The following SLC37A1 variants were observed in gnomAD, a reference collection of about 807,000 sequenced individuals.
SLC37A1 encodes solute carrier family 37 member 1.
Under a neutral mutation model 75.3 loss-of-function variants are expected in SLC37A1, and 49 were observed. That is an observed-to-expected ratio of 0.65 (90% CI 0.52 to 0.83). The LOEUF is 0.83. Ranked by LOEUF, SLC37A1 falls within the 40% of genes least tolerant of loss-of-function variation. The probability of loss-of-function intolerance (pLI) is 0.00; values close to 1 mark genes in which losing one functional copy is unlikely to be tolerated. For synonymous variants in SLC37A1, 268 were observed against 292.1 expected (o/e 0.92, Z 0.84); for missense variants, 566 against 695.0 (o/e 0.81, Z 2.09).
intron 19 of SLC37A1, 131 bp downstream of exon 19, chr21:42,579,931 C>T: frequency 2.5e-6 from 2 of 792,956 alleles, no homozygotes; most frequent in Non-Finnish European, 4.2e-6. Flanking sequence ...CGGCACGCCA[C>T]CTTCACTCTC....
chr21:42,572,185 G>A (rs745767750), intron 17 of SLC37A1, among the ~76,000 whole-genome samples: 5 of 152,112 alleles, frequency 3.3e-5, no homozygotes, highest in South Asian at 4.1e-4. Context: ...TCACTGACAC[G>A]TTCACAGACA....
Position 42,542,613 on chromosome 21 carries a change from C to A in SLC37A1, c.563+133C>A, listed in dbSNP as rs982742487. On this transcript the variant is annotated intron_variant, in intron 7 of 19. Transcript: ENST00000352133. ...AATAAGATGGCTGAAACCTCTGGGG[C>A]TTGAATTGCTGAAATTCAGATGGCC... 7 of 837,362 alleles carry A rather than the reference C, an allele frequency of 8.4e-6. No individual in the cohort carries two copies. The African/African-American group carries it at 1.0e-4, about 12-fold the overall frequency. 51.9% of individuals were successfully genotyped at this position (837,362 alleles called of 1,614,324 possible). A position where few individuals can be genotyped will look rare whatever the true frequency, so the allele number is the denominator to read the frequency against.
chr21:42,516,277 G>T (rs1335610195), intron 1 of SLC37A1, among the ~76,000 whole-genome samples: 3 of 152,208 alleles, frequency 2.0e-5, no homozygotes, highest in Non-Finnish European at 4.4e-5. Context: ...AAGAAGAGTG[G>T]CTGGAGGGAG....
At chr21:42,565,017 C>T (rs868023204) in intron 14 of SLC37A1, among the ~76,000 whole-genome samples, 2 of 152,290 alleles carry the variant, frequency 1.3e-5, no homozygotes, top group Non-Finnish European at 2.9e-5. Context: ...GCATGGGCCG[C>T]GCGCAAGCTG....
chr21:42,503,573 T>C (rs986705061), intron 2 of SLC37A1, among the ~76,000 whole-genome samples: 1 of 152,058 alleles, frequency 6.6e-6, no homozygotes, highest in Non-Finnish European at 1.5e-5. Context: ...AAGAAAACAA[T>C]GTGTCGGGTG....
intron 6 of SLC37A1, among the ~76,000 whole-genome samples, chr21:42,541,182 C>T (rs1981423936): frequency 6.6e-6 from 1 of 152,216 alleles, no homozygotes; most frequent in Non-Finnish European, 1.5e-5. Context: ...GGTTCGCGCT[C>T]CTATGAGAAT....
intron 11 of SLC37A1, chr21:42,561,871 C>T (rs1471529766): frequency 9.5e-6 from 5 of 523,662 alleles, no homozygotes; most frequent in African/African-American, 7.6e-5. Flanking sequence ...GGTGCCCCTG[C>T]TCGGGGTGAG....
At chr21:42,573,569 A>G (rs150333482) in intron 17 of SLC37A1, among the ~76,000 whole-genome samples, 66 of 152,266 alleles carry the variant, frequency 4.3e-4, no homozygotes, top group Non-Finnish European at 7.5e-4. Flanking sequence ...GAGATAACAC[A>G]TGAGTAGCCG....
Position 42,570,860 on chromosome 21 carries a change from G to A in SLC37A1, c.1423+2422G>A, listed in dbSNP as rs1469770170. 8.5e-5 allele frequency among the ~76,000 whole-genome samples: 13 copies of A among 152,206 alleles called. No homozygotes were observed. In the East Asian group the frequency reaches 2.5e-3, roughly 29 times the overall value. Reference sequence around the variant, plus strand: ...CCCCAAGCAGGTGGAGGGAGGCACAGTTCTGAATGCCTTTGGCCCCTCACA... The same window carrying A: ...CCCCAAGCAGGTGGAGGGAGGCACAATTCTGAATGCCTTTGGCCCCTCACA... On this transcript the variant is annotated intron_variant, in intron 17 of 19. Transcript: ENST00000352133.
chr21:42,544,775 C>T (rs2055365388), intron 8 of SLC37A1, among the ~76,000 whole-genome samples: 1 of 152,208 alleles, frequency 6.6e-6, no homozygotes, highest in South Asian at 2.1e-4. Flanking sequence ...AGGCCATTTC[C>T]ACCACCTGTT....
upstream of SLC37A1, among the ~76,000 whole-genome samples, chr21:42,509,995 T>A (rs1021438148): frequency 1.3e-5 from 2 of 152,214 alleles, no homozygotes; most frequent in Non-Finnish European, 2.9e-5. This position sits in a 1 kb window ranked among gnomAD's most constrained non-coding sequence, Gnocchi z 4.2. Context: ...GAATGTCTGC[T>A]CCTTAAGTTG....
At chr21:42,577,478 A>G (rs1395001108) in intron 18 of SLC37A1, among the ~76,000 whole-genome samples, 2 of 152,264 alleles carry the variant, frequency 1.3e-5, no homozygotes. Context: ...TTTGGGCAAT[A>G]TAAAAAAGAA....
rs1430500040 is a variant in SLC37A1, at chr21:42,564,770, A to C, written c.1198A>C (p.Met400Leu). ...LEKRASTCGL[M>L]LLLAAPTLYI... ...GAAAAGGGCCTCCACCTGCGGCCTG[A>C]TGCTGCTGCTCGCGGCCCCCACGGT... The change falls in exon 14 of 20, where the codon ATG (methionine) becomes CTG (leucine). Residue 400 changes from methionine to leucine, a missense_variant. Coordinates refer to ENST00000352133, the MANE Select transcript of SLC37A1 (RefSeq NM_001320537.2). 26 of 1,607,912 alleles carry C rather than the reference A, an allele frequency of 1.6e-5. No individual in the cohort carries two copies. The highest frequency in any genetic ancestry group is 2.2e-5 in the Non-Finnish European group (26 of 1,179,966).
intron 19 of SLC37A1, among the ~76,000 whole-genome samples, 181 bp downstream of exon 19, chr21:42,579,981 G>A (rs1237511583): frequency 6.6e-6 from 1 of 152,186 alleles, no homozygotes; most frequent in African/African-American, 2.4e-5. Context: ...ATGGGTTAGT[G>A]GTAATCTCTC....
intron 2 of SLC37A1, among the ~76,000 whole-genome samples, chr21:42,521,077 C>T (rs1377298632): frequency 1.3e-5 from 2 of 152,210 alleles, no homozygotes; most frequent in African/African-American, 2.4e-5. Flanking sequence ...GGGTACCCAG[C>T]GCAGGCACAG....
intron 13 of SLC37A1, among the ~76,000 whole-genome samples, chr21:42,564,223 C>CAAAA (rs59155326): frequency 7.5e-5 from 6 of 79,982 alleles, no homozygotes; most frequent in South Asian, 4.2e-4. Flanking sequence ...CCCCTCTCTA[C>CAAAA]AAAAAAAAAA....
chr21:42,544,836 A>G (rs997619564), intron 8 of SLC37A1, among the ~76,000 whole-genome samples: 10 of 152,154 alleles, frequency 6.6e-5, no homozygotes, highest in African/African-American at 2.4e-4. Context: ...CTGCGCTCCA[A>G]GTGTTTGAGA....
upstream of SLC37A1, among the ~76,000 whole-genome samples, chr21:42,513,422 T>C (rs76400566): frequency 9.3e-4 from 142 of 152,220 alleles, 3 homozygotes; most frequent in East Asian, 0.019. Context: ...CCCCTTGACA[T>C]GACACAATAG....
intron 4 of SLC37A1, among the ~76,000 whole-genome samples, chr21:42,535,104 A>G (rs1324266071): frequency 2.0e-5 from 3 of 152,196 alleles, no homozygotes; most frequent in African/African-American, 7.2e-5. Context: ...TCTGTGGGTG[A>G]GAAGAAGAGA....
Sources: allele counts gnomAD v4.1 joint callset (sites outside exome capture counted in the v4.1 genomes callset), GRCh38; gene constraint gnomAD v4.1.1; non-coding constraint Gnocchi (gnomAD v3.1); transcripts MANE v1.5; gene names NCBI Gene and HGNC (gene_info 2026-07-23, HGNC 2026-07-21).